The following SNAP91 variants were observed in gnomAD, a reference collection of about 807,000 sequenced individuals.
SNAP91 encodes synaptosome associated protein 91.
A neutral mutation model predicts 100.3 loss-of-function variants in SNAP91; 27 were observed. The observed-to-expected ratio is 0.27, with a 90% CI of 0.20 to 0.37. SNAP91 has a LOEUF of 0.37. Among genes scored for constraint, SNAP91 ranks in the 10% least tolerant of loss-of-function variants. The probability of loss-of-function intolerance (pLI) is 1.00; values close to 1 mark genes in which losing one functional copy is unlikely to be tolerated. For synonymous variants in SNAP91, 404 were observed against 398.6 expected, an observed-to-expected ratio of 1.01 and a Z score of -0.16; for missense variants, 986 against 1,123.7, an observed-to-expected ratio of 0.88 and a Z score of 1.75.
At chr6:83,554,711 T>A (rs1158060) in intron 29 of SNAP91, among the ~76,000 whole-genome samples, 117,490 of 151,992 alleles carry the variant, frequency 0.77, 45,804 homozygotes, top group East Asian at 0.88. Context: ...TGAGTCACTT[T>A]CTAAACAGCT....
Position 83,601,294 on chromosome 6 carries a change from G to T in SNAP91, c.1301C>A (p.Thr434Asn), listed in dbSNP as rs896749861. 15 of 1,613,382 alleles carry T rather than the reference G, an allele frequency of 9.3e-6. No homozygotes were observed. The Middle Eastern group carries it at 4.9e-4, about 53-fold the overall frequency. ...ASTTTTVTAV[T>N]AEVDLFGDAF... ...ACCTCCAAAGAGATCCACTTCAGCA[G>T]TGACAGCAGTAACAGTTGTAGTAGT... is the stretch of plus-strand genomic sequence containing the variant. Residue 434 changes from threonine to asparagine, a missense_variant, in exon 16 of 30, where the codon ACT becomes AAT. Thr to Asn is a moderately conservative substitution (Grantham distance 65). This residue lies in a region of SNAP91 where 575 missense variants were observed against 579.9 expected (regional missense o/e 0.99). Coordinates refer to ENST00000369694, the MANE Select transcript of SNAP91 (RefSeq NM_001242792.2).
chr6:83,658,928 T>C (rs2098470630), intron 6 of SNAP91, 71 bp downstream of exon 6: 1 of 1,149,424 alleles, frequency 8.7e-7, no homozygotes. Context: ...TCTTTGGATT[T>C]ACCTGTAGCC....
At chr6:83,703,162 T>G (rs1162540959) in intron 2 of SNAP91, among the ~76,000 whole-genome samples, 1 of 151,724 alleles carries the variant, frequency 6.6e-6, no homozygotes, top group Non-Finnish European at 1.5e-5. Flanking sequence ...GGGTGTGTTT[T>G]TTTTTTTTTT....
At chr6:83,555,431 C>CA (rs1281511877) in intron 29 of SNAP91, among the ~76,000 whole-genome samples, 1 of 152,076 alleles carries the variant, frequency 6.6e-6, no homozygotes. Context: ...GAAATGGAGA[C>CA]AAAAAATATC....
chr6:83,582,168 C>CT (rs545137919), intron 23 of SNAP91, 54 bp downstream of exon 23: 31 of 1,588,724 alleles, frequency 2.0e-5, no homozygotes, highest in South Asian at 8.0e-5. Flanking sequence ...TTAGGTAGTA[C>CT]TTTTTTTTAT....
At position 83,709,022 on chromosome 6, in the gene SNAP91, C is replaced by T; in HGVS notation, c.-208G>A. The T allele has an allele frequency of 6.5e-6, 1 of 153,184 alleles. No homozygotes were observed. 9.5% of individuals were successfully genotyped at this position (153,184 alleles called of 1,614,324 possible). ...GGTCCCGGCGCCCACCGCCCCTGGC[C>T]CCTGGCCCCAGAAGCCAGTACCCGC... On this transcript the variant is annotated 5_prime_UTR_variant, in exon 1 of 30. Coordinates refer to ENST00000369694, the MANE Select transcript of SNAP91 (RefSeq NM_001242792.2).
intron 8 of SNAP91, among the ~76,000 whole-genome samples, chr6:83,637,902 C>G (rs1185477314): frequency 6.6e-6 from 1 of 152,126 alleles, no homozygotes; most frequent in African/African-American, 2.4e-5. Context: ...GTCTTCTGGC[C>G]CCTCGGGGTT....
intron 7 of SNAP91, among the ~76,000 whole-genome samples, chr6:83,651,972 T>C (rs1262432734): frequency 1.3e-5 from 2 of 152,176 alleles, no homozygotes; most frequent in Non-Finnish European, 2.9e-5. Context: ...TTTGAAAAAA[T>C]TGACCCCTTT....
At position 83,623,399 on chromosome 6, in the gene SNAP91, T is replaced by C. The variant is rs1007871738; in HGVS notation, c.766-57A>G. The C allele has an allele frequency of 3.2e-6, 4 of 1,250,268 alleles. No individual in the cohort carries two copies. The African/African-American group carries it at 6.0e-5, about 19-fold the overall frequency. 77.4% of individuals were successfully genotyped at this position (1,250,268 alleles called of 1,614,324 possible). On this transcript the variant is annotated intron_variant, in intron 8 of 29. Transcript: ENST00000369694. ...ACTTTTAAAATTAATTTTTTTCATT[T>C]AATGGAAGATCACCTACACAATTAG...
chr6:83,694,471 C>A (rs1043919194), intron 2 of SNAP91, among the ~76,000 whole-genome samples: 4 of 152,156 alleles, frequency 2.6e-5, no homozygotes, highest in Non-Finnish European at 5.9e-5. Flanking sequence ...GTATTCCCAA[C>A]AATGTAGTTC....
chr6:83,635,613 C>CT (rs1238769534), intron 8 of SNAP91, among the ~76,000 whole-genome samples: 3 of 150,890 alleles, frequency 2.0e-5, no homozygotes, highest in African/African-American at 2.4e-5. Flanking sequence ...GACAGTACAT[C>CT]TTTTTTTTTA....
intron 8 of SNAP91, among the ~76,000 whole-genome samples, chr6:83,627,970 T>C (rs1402085709): frequency 6.6e-6 from 1 of 151,722 alleles, no homozygotes; most frequent in Non-Finnish European, 1.5e-5. Flanking sequence ...TAGTGTACAC[T>C]GCACCTGTAT....
At chr6:83,685,860 C>T (rs574246949) in intron 2 of SNAP91, among the ~76,000 whole-genome samples, 1 of 152,160 alleles carries the variant, frequency 6.6e-6, no homozygotes, top group Non-Finnish European at 1.5e-5. Flanking sequence ...TCACATTCAA[C>T]GCTCTACCGA....
chr6:83,678,434 T>TA (rs962632151), intron 2 of SNAP91, among the ~76,000 whole-genome samples: 55 of 151,898 alleles, frequency 3.6e-4, no homozygotes, highest in Middle Eastern at 3.4e-3. Flanking sequence ...TCTCGAGCCA[T>TA]AAAAAAAACA....
At chr6:83,650,945 G>C (rs2098177702) in intron 7 of SNAP91, among the ~76,000 whole-genome samples, 1 of 152,148 alleles carries the variant, frequency 6.6e-6, no homozygotes, top group Non-Finnish European at 1.5e-5. Context: ...TTAATAGATA[G>C]AGGCCTATCC....
At chr6:83,613,605 T>C (rs1281737560) in intron 11 of SNAP91, among the ~76,000 whole-genome samples, 1 of 152,210 alleles carries the variant, frequency 6.6e-6, no homozygotes, top group Non-Finnish European at 1.5e-5. Flanking sequence ...TTCCCATGTC[T>C]CATCATGCTT....
At chr6:83,652,299 A>G (rs2098241052) in intron 7 of SNAP91, among the ~76,000 whole-genome samples, 1 of 151,590 alleles carries the variant, frequency 6.6e-6, no homozygotes, top group Non-Finnish European at 1.5e-5. Context: ...ACTCTTTTCT[A>G]CCCTTTGTGG....
Position 83,648,562 on chromosome 6 carries a change from C to G in SNAP91, c.659-7360G>C, listed in dbSNP as rs1331293150. 6.6e-5 allele frequency among the ~76,000 whole-genome samples: 10 copies of G among 151,742 alleles called. No individual in the cohort carries two copies. The East Asian group carries it at 1.9e-3, about 29-fold the overall frequency. Reference sequence around the variant, plus strand: ...ATGGTAAAATCATTTGACGTTTTACCATTTTACATTTCTATCAGATGTGTA... The same window carrying G: ...ATGGTAAAATCATTTGACGTTTTACGATTTTACATTTCTATCAGATGTGTA... On this transcript the variant is annotated intron_variant, in intron 7 of 29. Transcript: ENST00000369694.
At position 83,605,756 on chromosome 6, in the gene SNAP91, G is replaced by A; in HGVS notation, c.1070C>T (p.Ser357Phe). Residue 357 changes from serine to phenylalanine, a missense_variant, in exon 14 of 30, where the codon TCC becomes TTC. Ser to Phe is a radical substitution (Grantham distance 155). Coordinates refer to ENST00000369694, the MANE Select transcript of SNAP91 (RefSeq NM_001242792.2). Reference sequence around the variant, plus strand: ...TGCGGCTGCTGCTGCCCCTCCAGAGGAAAAGTCTGGCTGGAGGTCCAGGAG... The same window carrying A: ...TGCGGCTGCTGCTGCCCCTCCAGAGAAAAAGTCTGGCTGGAGGTCCAGGAG... ...SDLLDLQPDF[S>F]SGGAAAAAAP... is the part of the protein sequence containing the mutation. The A allele has an allele frequency of 6.4e-7, 1 of 1,553,380 alleles. No homozygotes were observed. The highest frequency in any genetic ancestry group is 8.7e-7 in the Non-Finnish European group (1 of 1,147,962).
Sources: allele counts gnomAD v4.1 joint callset (sites outside exome capture counted in the v4.1 genomes callset), GRCh38; gene constraint gnomAD v4.1.1; regional missense constraint gnomAD v4.1.1; transcripts MANE v1.5; gene names NCBI Gene and HGNC (gene_info 2026-07-23, HGNC 2026-07-21).